Variants in CDAN1 observed in about 807,000 individuals in gnomAD.
The protein encoded by CDAN1 is codanin-1.
Under a neutral mutation model 139.8 loss-of-function variants are expected in CDAN1, and 107 were observed. The observed-to-expected ratio is 0.77, with a 90% confidence interval of 0.65 to 0.90. The LOEUF (loss-of-function observed/expected upper bound fraction) is 0.90, where lower values mean the gene tolerates loss of function less well. CDAN1 is among the 40% of genes least tolerant of loss of function. The pLI is 0.00. For missense variants in CDAN1, 1,667 were observed against 1,575.7 expected, an observed-to-expected ratio of 1.06 and a Z score of -0.98; for synonymous variants, 776 against 660.6, an observed-to-expected ratio of 1.17 and a Z score of -2.68.
Position 42,728,215 on chromosome 15 carries a change from TCTC to T in CDAN1, c.2854_2856del (p.Glu952del). On this transcript the variant is annotated inframe_deletion, in exon 21 of 28. Transcript: ENST00000356231. ...TCCCTCACACGTACGGCTGCCGGGGTCTCCTCTGGAAGCAGCGCCCGCACAGCC... is the reference window on the plus strand; with the variant it reads ...TCCCTCACACGTACGGCTGCCGGGGTCTCTGGAAGCAGCGCCCGCACAGCC... 10 of 1,613,380 alleles carry T rather than the reference TCTC, an allele frequency of 6.2e-6. No homozygotes were observed. Among genetic ancestry groups the T allele is most frequent in the Non-Finnish European group, 8.5e-6 (10 of 1,179,886 alleles).
rs745976545 is a variant in CDAN1, at chr15:42,736,682, G to T, written c.189C>A (p.Arg63=). Residue 63 remains arginine (R), a synonymous_variant, in exon 2 of 28, where the codon CGC becomes CGA. Coordinates refer to ENST00000356231, the MANE Select transcript of CDAN1 (RefSeq NM_138477.4). ...LLNFLREQSS[R]VLPQGPPTPA... ...GGGTCGGGGGCCCCTGCGGGAGGACGCGGCTGCTCTGCTCCCTCAGGAAGT... is the reference window on the plus strand; with the variant it reads ...GGGTCGGGGGCCCCTGCGGGAGGACTCGGCTGCTCTGCTCCCTCAGGAAGT... 2 of 1,547,788 alleles carry T rather than the reference G, an allele frequency of 1.3e-6. No individual in the cohort carries two copies. Among genetic ancestry groups the T allele is most frequent in the Non-Finnish European group, 8.7e-7 (1 of 1,149,336 alleles).
intron 4 of CDAN1, 25 bp from the exon 5 acceptor site, chr15:42,735,399 C>T (rs746526262): frequency 5.0e-6 from 8 of 1,593,398 alleles, no homozygotes; most frequent in Non-Finnish European, 6.0e-6. Context: ...AAAGAAAGCC[C>T]ATGGTATGGG....
intron 19 of CDAN1, 58 bp from the exon 20 acceptor site, chr15:42,728,868 A>C (rs1232270785): frequency 6.2e-7 from 1 of 1,610,860 alleles, no homozygotes; most frequent in Non-Finnish European, 8.5e-7. Flanking sequence ...AAGAGGCTGA[A>C]AATTTATGGG....
chr15:42,736,499 G>A lies in CDAN1; in HGVS notation c.372C>T (p.Gly124=). 3 of 1,421,740 alleles carry A rather than the reference G, an allele frequency of 2.1e-6. No homozygotes were observed. In the South Asian group the frequency reaches 4.6e-5, roughly 22 times the overall value. The allele number at this position is 1,421,740 out of a possible 1,614,324, so 88.1% of individuals were successfully genotyped here. ...PLARRGGRRR[G]PGPARERGGR... ...CTCCACGCTCGCGGGCCGGCCCCGG[G>A]CCCCGCCTCCTGCCCCCGCGGCGGG... The change falls in exon 2 of 28, where the codon GGC becomes GGT. Residue 124 remains glycine, a synonymous_variant. Transcript: ENST00000356231.
chr15:42,734,624 T>G (rs1019582826), intron 6 of CDAN1, among the ~76,000 whole-genome samples: 3 of 152,068 alleles, frequency 2.0e-5, no homozygotes, highest in Non-Finnish European at 4.4e-5. Context: ...TCTTTTTTTT[T>G]GAGATGGGGG....
At position 42,736,487 on chromosome 15, in the gene CDAN1, G is replaced by C. The variant is rs2061689959; in HGVS notation, c.384C>G (p.Ala128=). Residue 128 remains alanine (A), a synonymous_variant, in exon 2 of 28, where the codon GCC becomes GCG. Coordinates refer to ENST00000356231, the MANE Select transcript of CDAN1 (RefSeq NM_138477.4). ...CCAGGCCGCGGCCTCCACGCTCGCG[G>C]GCCGGCCCCGGGCCCCGCCTCCTGC... ...RGGRRRGPGP[A]RERGGRGLEE... 1 of 1,446,080 alleles carries C rather than the reference G, an allele frequency of 6.9e-7. No individual in the cohort carries two copies. The highest frequency in any genetic ancestry group is 2.9e-5 in the Admixed American group (1 of 35,034). The allele number at this position is 1,446,080 out of a possible 1,614,324, so 89.6% of individuals were successfully genotyped here.
At chr15:42,733,063 C>T in intron 9 of CDAN1, 34 bp downstream of exon 9, 1 of 1,595,956 alleles carries the variant, frequency 6.3e-7, no homozygotes, top group Non-Finnish European at 8.6e-7. Context: ...CTACTCATTG[C>T]CAGGAACAAG....
At chr15:42,726,851 A>G in intron 23 of CDAN1, 1 of 201,216 alleles carries the variant, frequency 5.0e-6, no homozygotes, top group South Asian at 9.6e-5. Context: ...CATATTGACA[A>G]CCAGTATCAA....
At chr15:42,733,037 C>T in intron 9 of CDAN1, 60 bp downstream of exon 9, 1 of 1,451,430 alleles carries the variant, frequency 6.9e-7, no homozygotes, top group South Asian at 1.1e-5. Context: ...CCTCCTGCCA[C>T]CGAGCAAGCA....
In CDAN1 at chr15:42,737,013, C is replaced by G; in HGVS notation, c.90G>C (p.Glu30Asp). ...RWIARSTQGS[E>D]DNAGEAAALS... is the part of the protein sequence containing the mutation. ...CCTGGGGGCGTGTCACCGCTGTTAC[C>G]TCCGAACCCTGGGTGCTGCGCGCGA... The change falls in exon 1 of 28, where the codon GAG becomes GAC. Residue 30 changes from glutamate (E) to aspartate (D), a missense_variant and splice_region_variant. By Grantham distance (45) the Glu-to-Asp change is conservative. Around this residue, in one of 3 missense-constraint regions of CDAN1, gnomAD observed 487 missense variants for 422.2 expected, o/e 1.15. Transcript: ENST00000356231. 6.5e-7 allele frequency: 1 copy of G among 1,546,340 alleles called. No homozygotes were observed. Among genetic ancestry groups the G allele is most frequent in the African/African-American group, 1.4e-5 (1 of 72,770 alleles).
chr15:42,728,500 C>T lies in CDAN1; in HGVS notation c.2804+152G>A, dbSNP rs2061562318. 3.4e-6 allele frequency: 4 copies of T among 1,188,828 alleles called. No individual in the cohort carries two copies. In the South Asian group the frequency reaches 5.1e-5, roughly 15 times the overall value. 73.6% of individuals were successfully genotyped at this position (1,188,828 alleles called of 1,614,324 possible). A position where few individuals can be genotyped will look rare whatever the true frequency, so the allele number is the denominator to read the frequency against. Reference sequence around the variant, plus strand: ...TGGCTTTTGTGCCACAGAAGGCCTACAGCCAGTGCAGGGCTTATAGAGAAT... The same window carrying T: ...TGGCTTTTGTGCCACAGAAGGCCTATAGCCAGTGCAGGGCTTATAGAGAAT... On this transcript the variant is annotated intron_variant, in intron 20 of 27. Transcript: ENST00000356231.
chr15:42,732,246 T>G, intron 10 of CDAN1, 87 bp downstream of exon 10: 2 of 1,256,486 alleles, frequency 1.6e-6, no homozygotes, highest in Non-Finnish European at 2.3e-6. Context: ...TGCCAGGCTG[T>G]CTGCCCTATC....
In CDAN1 at chr15:42,725,541, AGCT is replaced by A; in HGVS notation, c.3395_3397del (p.Gln1132del). 6.2e-7 allele frequency: 1 copy of A among 1,614,180 alleles called. No homozygotes were observed. Among genetic ancestry groups the A allele is most frequent in the Non-Finnish European group, 8.5e-7 (1 of 1,180,020 alleles). On this transcript the variant is annotated inframe_deletion, in exon 26 of 28. Coordinates refer to ENST00000356231, the MANE Select transcript of CDAN1 (RefSeq NM_138477.4). ...CCCCACATTTCTTGGGCTCAGCAGC[AGCT>A]GCAGCGGAACCGGCCCCTGAAAGTC...
At chr15:42,729,692 G>A in intron 16 of CDAN1, 70 bp from the exon 17 acceptor site, 3 of 1,599,598 alleles carry the variant, frequency 1.9e-6, no homozygotes, top group Non-Finnish European at 2.6e-6. Context: ...GCAGTTGGCA[G>A]GGCCTTTACA....
intron 15 of CDAN1, 55 bp downstream of exon 15, chr15:42,730,073 C>T (rs2061588567): frequency 1.3e-6 from 2 of 1,519,616 alleles, no homozygotes; most frequent in Admixed American, 3.3e-5. Context: ...CATTTGCCCA[C>T]TCCCCATCTT....
chr15:42,727,418 A>C (rs2061542989), intron 23 of CDAN1, among the ~76,000 whole-genome samples: 2 of 152,246 alleles, frequency 1.3e-5, no homozygotes, highest in Admixed American at 6.5e-5. Context: ...ATGATTAAAA[A>C]GTCAGAGTGA....
intron 25 of CDAN1, 49 bp from the exon 26 acceptor site, chr15:42,725,719 G>C: frequency 1.3e-6 from 2 of 1,592,224 alleles, no homozygotes; most frequent in African/African-American, 1.3e-5. Flanking sequence ...CAGGCCGGGT[G>C]CGGTGACTCA....
At chr15:42,729,205 C>A (rs201720212) in intron 18 of CDAN1, 24 bp downstream of exon 18, 3 of 1,611,380 alleles carry the variant, frequency 1.9e-6, no homozygotes, top group South Asian at 1.1e-5. Context: ...ATTTTCCCCA[C>A]GGCTGTCTCC....
In CDAN1 at chr15:42,728,249, G is replaced by A. The variant is rs1345252312; in HGVS notation, c.2823C>T (p.Ser941=). 11 of 1,613,878 alleles carry A rather than the reference G, an allele frequency of 6.8e-6. No homozygotes were observed. Among genetic ancestry groups the A allele is most frequent in the Non-Finnish European group, 8.5e-6 (10 of 1,179,926 alleles). ...GAAGCAGCGCCCGCACAGCCCCAGG[G>A]CTCTTCCTTTGACAGAACCTAAAAG... ...ALGREFCQRK[S]PGAVRALLPE... is the part of the protein sequence containing the mutation. The change falls in exon 21 of 28, where the codon AGC becomes AGT. Residue 941 remains serine, a synonymous_variant. Coordinates refer to ENST00000356231, the MANE Select transcript of CDAN1 (RefSeq NM_138477.4).
Sources: allele counts gnomAD v4.1 joint callset (sites outside exome capture counted in the v4.1 genomes callset), GRCh38; gene constraint gnomAD v4.1.1; regional missense constraint gnomAD v4.1.1; transcripts MANE v1.5; gene names NCBI Gene and HGNC (gene_info 2026-07-23, HGNC 2026-07-21).